Variants in CRISPLD2 observed in about 807,000 individuals in gnomAD.
CRISPLD2 encodes cysteine-rich secretory protein LCCL domain-containing 2.
A neutral mutation model predicts 71.1 loss-of-function variants in CRISPLD2; 47 were observed. That is an observed-to-expected ratio of 0.66 (90% CI 0.52 to 0.84). CRISPLD2 has a LOEUF of 0.84. CRISPLD2 is among the 40% of genes least tolerant of loss of function. The probability of loss-of-function intolerance (pLI) is 0.00; values close to 1 mark genes in which losing one functional copy is unlikely to be tolerated. For missense variants in CRISPLD2, 830 were observed against 651.1 expected, an observed-to-expected ratio of 1.27 and a Z score of -2.99; for synonymous variants, 317 against 250.1, an observed-to-expected ratio of 1.27 and a Z score of -2.52.
At chr16:84,880,993 C>T (rs1319177448) in intron 13 of CRISPLD2, among the ~76,000 whole-genome samples, 2 of 152,156 alleles carry the variant, frequency 1.3e-5, no homozygotes, top group African/African-American at 2.4e-5. Context: ...GTGTGAGTCC[C>T]CACACCCGGC....
At position 84,906,806 on chromosome 16, in the gene CRISPLD2, C is replaced by G. The variant is rs1159689160; in HGVS notation, c.*164C>G. Reference sequence around the variant, plus strand: ...CTGTGGGTGAGGTGACATCTCATCCCCTCACTGAAGCAACAGCATCCCAAG... The same window carrying G: ...CTGTGGGTGAGGTGACATCTCATCCGCTCACTGAAGCAACAGCATCCCAAG... On this transcript the variant is annotated 3_prime_UTR_variant, in exon 15 of 15. Transcript: ENST00000262424. 9.9e-6 allele frequency: 8 copies of G among 806,814 alleles called. No individual in the cohort carries two copies. The highest frequency in any genetic ancestry group is 1.7e-5 in the Non-Finnish European group (8 of 477,510). The allele number at this position is 806,814 out of a possible 1,614,324, so 50.0% of individuals were successfully genotyped here.
chr16:84,840,556 G>C (rs1020439479), intron 2 of CRISPLD2, among the ~76,000 whole-genome samples: 3 of 152,082 alleles, frequency 2.0e-5, no homozygotes, highest in Non-Finnish European at 4.4e-5. Flanking sequence ...GTCCAGGCTG[G>C]GGTGCAATGG....
intron 1 of CRISPLD2, among the ~76,000 whole-genome samples, chr16:84,823,042 G>A (rs1015118229): frequency 1.6e-4 from 25 of 152,204 alleles, no homozygotes; most frequent in Admixed American, 1.2e-3. Flanking sequence ...CCCTTCAGCC[G>A]CTCATCTCCT....
intron 3 of CRISPLD2, among the ~76,000 whole-genome samples, chr16:84,846,984 G>A (rs1426014093): frequency 6.6e-6 from 1 of 152,192 alleles, no homozygotes; most frequent in Non-Finnish European, 1.5e-5. Context: ...AATGTCTTTT[G>A]ACCACGCCCA....
chr16:84,854,372 G>T (rs1238748126), intron 5 of CRISPLD2, among the ~76,000 whole-genome samples: 1 of 152,078 alleles, frequency 6.6e-6, no homozygotes, highest in African/African-American at 2.4e-5. Context: ...CTTAAAAGGG[G>T]GTCCTGGCAG....
intron 13 of CRISPLD2, among the ~76,000 whole-genome samples, chr16:84,885,137 G>A (rs2071601086): frequency 6.6e-6 from 1 of 152,176 alleles, no homozygotes; most frequent in Admixed American, 6.5e-5. Context: ...ATCTGCTCCA[G>A]CCCTCGGGTA....
rs754183179 is a variant in CRISPLD2 at position 84,854,734 on chromosome 16, A to T, written c.614A>T (p.Asn205Ile). 2 of 1,613,664 alleles carry T rather than the reference A, an allele frequency of 1.2e-6. No individual in the cohort carries two copies. The highest frequency in any genetic ancestry group is 8.5e-7 in the Non-Finnish European group (1 of 1,179,620). ...YFVCNYSPKG[N>I]WIGEAPYKNG... is the part of the protein sequence containing the mutation. Reference sequence around the variant, plus strand: ...GTTTTTGGGTCTGTCCTCAGGGGGAACTGGATTGGAGAAGCCCCCTACAAG... The same window carrying T: ...GTTTTTGGGTCTGTCCTCAGGGGGATCTGGATTGGAGAAGCCCCCTACAAG... The change falls in exon 6 of 15, where the codon AAC becomes ATC. Residue 205 changes from asparagine to isoleucine, a missense_variant. Asn to Ile is a moderately radical substitution (Grantham distance 149). Transcript: ENST00000262424.
At chr16:84,890,211 T>G (rs773296936) in intron 14 of CRISPLD2, among the ~76,000 whole-genome samples, 28 of 152,090 alleles carry the variant, frequency 1.8e-4, no homozygotes, top group South Asian at 4.2e-4. Flanking sequence ...TACAAAAAAT[T>G]AGCCAGGCGT....
chr16:84,840,722 A>G (rs1449205023), intron 2 of CRISPLD2, among the ~76,000 whole-genome samples: 5 of 151,848 alleles, frequency 3.3e-5, no homozygotes, highest in African/African-American at 1.2e-4. Flanking sequence ...TTGTATTTTT[A>G]TTAGAGACGG....
Position 84,849,582 on chromosome 16 carries a change from C to G in CRISPLD2, c.492+65C>G, listed in dbSNP as rs939800149. The G allele has an allele frequency of 1.0e-5, 15 of 1,495,306 alleles. No individual in the cohort carries two copies. The African/African-American group carries it at 1.2e-4, about 12-fold the overall frequency. The allele number at this position is 1,495,306 out of a possible 1,614,324, so 92.6% of individuals were successfully genotyped here. On this transcript the variant is annotated intron_variant, in intron 4 of 14. Transcript: ENST00000262424. ...AATCCCAGTCATTCACCCCCTGCCC[C>G]TGGGGGATTGTCAAATCTGTAAAGC...
chr16:84,904,244 G>T (rs2646112), intron 14 of CRISPLD2, among the ~76,000 whole-genome samples: 1 of 152,040 alleles, frequency 6.6e-6, no homozygotes, highest in African/African-American at 2.4e-5. Context: ...TACAGCGACA[G>T]TGATCAAGAT....
At chr16:84,851,759 A>G (rs1239548982) in intron 5 of CRISPLD2, among the ~76,000 whole-genome samples, 1 of 152,202 alleles carries the variant, frequency 6.6e-6, no homozygotes, top group Non-Finnish European at 1.5e-5. Flanking sequence ...ATGAGGAATC[A>G]TTTGACTTGA....
At position 84,872,441 on chromosome 16, in the gene CRISPLD2, G is replaced by A; in HGVS notation, c.915-1G>A. On this transcript the variant is annotated splice_acceptor_variant, in intron 8 of 14. Transcript: ENST00000262424. LOFTEE classifies it high-confidence loss of function. ...ACATCATTTTATTTCTTCCTCGTCA[G>A]GTACCAGTGCCCAGCAGGCTGCCTG... 3.7e-6 allele frequency: 6 copies of A among 1,613,484 alleles called. No homozygotes were observed.
intron 2 of CRISPLD2, chr16:84,841,961 TCAGGTGACGGG>T (rs1180870667): frequency 7.0e-6 from 1 of 143,240 alleles, no homozygotes. Flanking sequence ...GGGAGGCGGC[TCAGGTGACGGG>T]CAGGTGAGGA....
rs1278865788 is a variant in CRISPLD2 at position 84,828,646 on chromosome 16, G to A, written c.-75+8513G>A. ...AAGGTGCCCCAGGAGTTATGTCCTG[G>A]GGTTTTAAAGAATGTATTAATTTAT... On this transcript the variant is annotated intron_variant, in intron 1 of 14. Coordinates refer to ENST00000262424, the MANE Select transcript of CRISPLD2 (RefSeq NM_031476.4). Among the ~76,000 whole-genome samples the A allele has an allele frequency of 2.6e-5, 4 of 152,040 alleles. No individual in the cohort carries two copies. The East Asian group carries it at 7.7e-4, about 29-fold the overall frequency.
chr16:84,823,486 G>A (rs1916277089), intron 1 of CRISPLD2, among the ~76,000 whole-genome samples: 2 of 152,194 alleles, frequency 1.3e-5, no homozygotes, highest in South Asian at 4.1e-4. Flanking sequence ...TGTCATTCCA[G>A]AATGTGTTGC....
intron 3 of CRISPLD2, 102 bp from the exon 4 acceptor site, chr16:84,849,283 C>T (rs920651416): frequency 3.2e-5 from 38 of 1,192,632 alleles, no homozygotes; most frequent in Non-Finnish European, 2.3e-5. Context: ...CGCTATTCAC[C>T]CTCCTCGGCC....
intron 13 of CRISPLD2, among the ~76,000 whole-genome samples, chr16:84,886,766 GATGGTA>G (rs1351237740): frequency 6.6e-6 from 1 of 152,204 alleles, no homozygotes; most frequent in Non-Finnish European, 1.5e-5. Flanking sequence ...GATGAGCCCA[GATGGTA>G]TCACCGCACT....
chr16:84,825,987 A>G (rs1009850999), intron 1 of CRISPLD2, among the ~76,000 whole-genome samples: 1 of 151,140 alleles, frequency 6.6e-6, no homozygotes, highest in African/African-American at 2.4e-5. Flanking sequence ...CTGGCCTGGA[A>G]GCACCTGAGG....
Sources: gnomAD v4.1 joint callset for allele counts (sites outside exome capture counted in the v4.1 genomes callset) on GRCh38, gnomAD v4.1.1 for gene constraint, MANE v1.5 for transcripts, NCBI Gene and HGNC (gene_info 2026-07-23, HGNC 2026-07-21) for gene names.